The following ARHGEF4 variants were observed in gnomAD, a reference collection of about 807,000 sequenced individuals.
ARHGEF4 encodes the protein APC-stimulated guanine nucleotide exchange factor 1.
In ARHGEF4, 119 loss-of-function variants were observed where a neutral mutation model predicts 162.0. The observed-to-expected ratio is 0.73, with a 90% CI of 0.63 to 0.86. The LOEUF (loss-of-function observed/expected upper bound fraction) is 0.86, where lower values mean the gene tolerates loss of function less well. Among genes scored for constraint, ARHGEF4 ranks in the 40% least tolerant of loss-of-function variants. The probability of loss-of-function intolerance (pLI) is 0.00; values close to 1 mark genes in which losing one functional copy is unlikely to be tolerated. For missense variants in ARHGEF4, 2,488 were observed against 2,456.0 expected, an observed-to-expected ratio of 1.01 and a Z score of -0.28; for synonymous variants, 1,014 against 979.9, an observed-to-expected ratio of 1.03 and a Z score of -0.65.
intron 1 of ARHGEF4, among the ~76,000 whole-genome samples, chr2:130,887,825 A>G (rs576250049): frequency 6.6e-6 from 1 of 152,040 alleles, no homozygotes; most frequent in Non-Finnish European, 1.5e-5. Context: ...CTTTGCCTCC[A>G]CTGTGCTGGG....
intron 2 of ARHGEF4, among the ~76,000 whole-genome samples, chr2:130,917,703 T>A (rs1319917993): frequency 2.6e-5 from 4 of 152,162 alleles, no homozygotes; most frequent in Non-Finnish European, 5.9e-5. Flanking sequence ...CAAGCCAGAA[T>A]TGGCATTTCA....
At chr2:130,927,247 C>T (rs1180903948) in intron 2 of ARHGEF4, among the ~76,000 whole-genome samples, 2 of 152,078 alleles carry the variant, frequency 1.3e-5, no homozygotes, top group Non-Finnish European at 2.9e-5. Context: ...GGTGCTGGCT[C>T]TCTAGCAGGC....
At chr2:130,854,301 G>A (rs1170203290) in intron 1 of ARHGEF4, among the ~76,000 whole-genome samples, 1 of 152,156 alleles carries the variant, frequency 6.6e-6, no homozygotes, top group Non-Finnish European at 1.5e-5. Flanking sequence ...TTGGCAGGGA[G>A]GACAAATAAC....
intron 10 of ARHGEF4, among the ~76,000 whole-genome samples, 179 bp downstream of exon 10, chr2:131,042,123 G>GCCTA (rs1193114306): frequency 6.6e-6 from 1 of 152,236 alleles, no homozygotes; most frequent in Non-Finnish European, 1.5e-5. Flanking sequence ...CTTTGCTGCT[G>GCCTA]CCTACCGTAG....
intron 5 of ARHGEF4, among the ~76,000 whole-genome samples, chr2:131,037,963 AAACT>A (rs1335052501): frequency 6.6e-6 from 1 of 152,192 alleles, no homozygotes; most frequent in African/African-American, 2.4e-5. Flanking sequence ...GGACTAACTC[AAACT>A]TAGGATCACA....
chr2:131,039,867 T>G, intron 6 of ARHGEF4, 149 bp from the exon 7 acceptor site: 2 of 1,425,548 alleles, frequency 1.4e-6, no homozygotes, highest in African/African-American at 1.5e-5. Flanking sequence ...GTGGGTGGCG[T>G]GGTGGGGGGA....
intron 4 of ARHGEF4, among the ~76,000 whole-genome samples, chr2:131,009,429 G>A (rs150409219): frequency 2.7e-4 from 41 of 152,168 alleles, no homozygotes; most frequent in Admixed American, 9.8e-4. Flanking sequence ...CCAGATTTGT[G>A]AAACTGTTGG....
intron 4 of ARHGEF4, among the ~76,000 whole-genome samples, chr2:130,995,892 T>TTA (rs1687358140): frequency 6.6e-6 from 1 of 150,838 alleles, no homozygotes; most frequent in South Asian, 2.1e-4. Context: ...ATTCACCTTT[T>TTA]TTTTTTTTTT....
intron 4 of ARHGEF4, among the ~76,000 whole-genome samples, chr2:130,986,076 C>A (rs553544456): frequency 2.0e-5 from 3 of 149,474 alleles, no homozygotes; most frequent in Non-Finnish European, 3.0e-5. Flanking sequence ...GTGTGCATGA[C>A]GTGTTTTGTG....
intron 4 of ARHGEF4, among the ~76,000 whole-genome samples, chr2:130,974,293 A>C (rs1253587933): frequency 6.6e-6 from 1 of 151,956 alleles, no homozygotes; most frequent in Non-Finnish European, 1.5e-5. Context: ...AAAAGATAGA[A>C]ACATGGGCTA....
intron 1 of ARHGEF4, among the ~76,000 whole-genome samples, chr2:130,870,148 G>A (rs1678364460): frequency 6.6e-6 from 1 of 152,188 alleles, no homozygotes; most frequent in African/African-American, 2.4e-5. Context: ...GCTGGAGGGT[G>A]GGAGGCCTGC....
At chr2:130,887,790 A>G (rs1295692060) in intron 1 of ARHGEF4, among the ~76,000 whole-genome samples, 1 of 152,134 alleles carries the variant, frequency 6.6e-6, no homozygotes, top group East Asian at 1.9e-4. Context: ...GGCTGTCCTC[A>G]CCATGTGGTC....
intron 1 of ARHGEF4, among the ~76,000 whole-genome samples, chr2:130,849,025 G>A (rs1451126298): frequency 6.7e-6 from 1 of 148,848 alleles, no homozygotes; most frequent in Non-Finnish European, 1.5e-5. Flanking sequence ...AGTGGCAGAG[G>A]AGGAGAGGAC....
chr2:131,017,265 C>G (rs777082456), intron 4 of ARHGEF4, among the ~76,000 whole-genome samples: 1 of 152,164 alleles, frequency 6.6e-6, no homozygotes, highest in Non-Finnish European at 1.5e-5. Flanking sequence ...GTGACTGGCT[C>G]TCCCACTGGC....
At chr2:130,985,266 T>C (rs1179626957) in intron 4 of ARHGEF4, among the ~76,000 whole-genome samples, 1 of 152,156 alleles carries the variant, frequency 6.6e-6, no homozygotes, top group African/African-American at 2.4e-5. Context: ...GGAGGGCTTC[T>C]GAGACCCCAG....
intron 9 of ARHGEF4, 49 bp downstream of exon 9, chr2:131,041,511 C>T: frequency 3.9e-6 from 6 of 1,547,782 alleles, no homozygotes; most frequent in South Asian, 1.2e-5. Flanking sequence ...TGCATGCCTC[C>T]AGTCAGCCAG....
At chr2:130,888,466 CA>C (rs200173005) in intron 1 of ARHGEF4, among the ~76,000 whole-genome samples, 31 of 143,200 alleles carry the variant, frequency 2.2e-4, no homozygotes, top group Admixed American at 3.4e-4. Flanking sequence ...GACTCTGTCC[CA>C]AAAAAAAAAA....
At chr2:131,021,654 T>G (rs376453185) in intron 4 of ARHGEF4, among the ~76,000 whole-genome samples, 1 of 152,116 alleles carries the variant, frequency 6.6e-6, no homozygotes, top group Non-Finnish European at 1.5e-5. Context: ...CTAAAGAGCT[T>G]CTTTATTTCT....
intron 4 of ARHGEF4, among the ~76,000 whole-genome samples, chr2:130,956,173 A>T (rs1239863449): frequency 6.6e-6 from 1 of 152,210 alleles, no homozygotes; most frequent in Non-Finnish European, 1.5e-5. Context: ...ATGAACAGAC[A>T]CTTCTCAAAA....
Sources: allele counts gnomAD v4.1 joint callset (sites outside exome capture counted in the v4.1 genomes callset), GRCh38; gene constraint gnomAD v4.1.1; transcripts MANE v1.5; gene names NCBI Gene and HGNC (gene_info 2026-07-23, HGNC 2026-07-21).